SYNE1: variants seen among roughly 807,000 people sequenced by gnomAD.
SYNE1 encodes nesprin-1.
SYNE1 carries 616 observed loss-of-function variants against 1,111.0 expected under a neutral mutation model. The ratio of observed to expected loss-of-function variants is 0.55; its 90% CI spans 0.52 to 0.59. The LOEUF (loss-of-function observed/expected upper bound fraction) is 0.59, where lower values mean the gene tolerates loss of function less well. Among genes scored for constraint, SYNE1 ranks in the 20% least tolerant of loss-of-function variants. The pLI, the probability that SYNE1 is intolerant of heterozygous loss-of-function variation, is 0.00. For synonymous variants in SYNE1, 3,855 were observed against 3,825.8 expected, an observed-to-expected ratio of 1.01 and a Z score of -0.28; for missense variants, 10,006 against 10,417.0, an observed-to-expected ratio of 0.96 and a Z score of 1.72.
At chr6:152,263,339 G>C (rs2092303269) in intron 100 of SYNE1, among the ~76,000 whole-genome samples, 1 of 152,074 alleles carries the variant, frequency 6.6e-6, no homozygotes, top group Admixed American at 6.6e-5. Flanking sequence ...GCCCTGCAGT[G>C]TCATCCTTAA....
chr6:152,463,696 A>T (rs2098747480), intron 18 of SYNE1, among the ~76,000 whole-genome samples, 179 bp from the exon 19 acceptor site: 1 of 152,174 alleles, frequency 6.6e-6, no homozygotes, highest in South Asian at 2.1e-4. Flanking sequence ...TGAGCTAGAG[A>T]TACTGTCTTT....
intron 3 of SYNE1, among the ~76,000 whole-genome samples, chr6:152,604,998 AAGAAAGAAAGAGAGAGAGAG>A (rs2099608726): frequency 7.4e-5 from 2 of 26,922 alleles, no homozygotes; most frequent in African/African-American, 3.2e-4. Flanking sequence ...GAAAGAAAGA[AAGAAAGAAAGAGAGAGAGAG>A]AGAGAGAGAG....
At chr6:152,540,794 C>G (rs1267784307) in intron 3 of SYNE1, among the ~76,000 whole-genome samples, 1 of 152,222 alleles carries the variant, frequency 6.6e-6, no homozygotes, top group Non-Finnish European at 1.5e-5. Flanking sequence ...GAACTAGAGG[C>G]TCCCTTCAGG....
chr6:152,353,193 T>G (rs553658259), intron 69 of SYNE1, 70 bp downstream of exon 69: 11 of 1,561,940 alleles, frequency 7.0e-6, no homozygotes, highest in East Asian at 4.5e-5. Flanking sequence ...GTTTCCAGTA[T>G]CTATGCAGGA....
chr6:152,552,949 A>G (rs1445265416), intron 3 of SYNE1, among the ~76,000 whole-genome samples: 2 of 152,192 alleles, frequency 1.3e-5, no homozygotes, highest in African/African-American at 4.8e-5. Flanking sequence ...CTGAGTGTCA[A>G]TCCAACCTCA....
At position 152,416,609 on chromosome 6, in the gene SYNE1, T is replaced by C. The variant is rs963256304; in HGVS notation, c.5828A>G (p.Glu1943Gly). 5 of 1,614,096 alleles carry C rather than the reference T, an allele frequency of 3.1e-6. No homozygotes were observed. The highest frequency in any genetic ancestry group is 4.2e-6 in the Non-Finnish European group (5 of 1,180,010). ...CGTGGCTCTGCAGGAAGTCCTTTGC[T>C]CAGAGCTCCCGATTTTCAGATGGTA... Reference protein sequence around the residue: ...AQYHLKIGSSEQRTSCRATAD... With the variant: ...AQYHLKIGSSGQRTSCRATAD... Residue 1943 changes from glutamate (E) to glycine (G), a missense_variant, in exon 41 of 146, where the codon GAG becomes GGG. Physicochemically the swap from Glu to Gly is moderately conservative, Grantham distance 98 (BLOSUM62 -2). Coordinates refer to ENST00000367255, the MANE Select transcript of SYNE1 (RefSeq NM_182961.4).
chr6:152,429,471 C>A (rs1406116192), intron 36 of SYNE1, among the ~76,000 whole-genome samples: 1 of 152,174 alleles, frequency 6.6e-6, no homozygotes, highest in Non-Finnish European at 1.5e-5. Context: ...CTCCCTCTTC[C>A]AGATGGCCTT....
Position 152,483,089 on chromosome 6 carries a change from T to C in SYNE1, c.1346A>G (p.His449Arg), listed in dbSNP as rs1414056275. 4 of 1,614,100 alleles carry C rather than the reference T, an allele frequency of 2.5e-6. No individual in the cohort carries two copies. The highest frequency in any genetic ancestry group is 3.4e-6 in the Non-Finnish European group (4 of 1,180,028). ...ANTIQRKLEQ[H>R]KDLLQNTDAH... ...TTTTCCAACCAGAATTTTTACCTTATGTTGCTCAAGTTTCCGTTGTATCGT... is the reference window on the plus strand; with the variant it reads ...TTTTCCAACCAGAATTTTTACCTTACGTTGCTCAAGTTTCCGTTGTATCGT... The change falls in exon 14 of 146, where the codon CAT becomes CGT. Residue 449 changes from histidine (H) to arginine (R), a missense_variant. Physicochemically the swap from His to Arg is conservative, Grantham distance 29 (BLOSUM62 0). Coordinates refer to ENST00000367255, the MANE Select transcript of SYNE1 (RefSeq NM_182961.4).
intron 58 of SYNE1, among the ~76,000 whole-genome samples, chr6:152,375,890 T>C (rs1419459538): frequency 1.3e-5 from 2 of 152,236 alleles, no homozygotes; most frequent in Admixed American, 1.3e-4. Flanking sequence ...CAGAAGCAAT[T>C]GTTTTAAGTG....
At position 152,471,681 on chromosome 6, in the gene SYNE1, C is replaced by T; in HGVS notation, c.1548G>A (p.Leu516=). The T allele has an allele frequency of 6.2e-7, 1 of 1,614,018 alleles. No homozygotes were observed. Among genetic ancestry groups the T allele is most frequent in the Non-Finnish European group, 8.5e-7 (1 of 1,179,890 alleles). ...LELKYRLLSL[L]VLAESKLKSW... ...ACTTCAGCTTTGACTCTGCAAGAAC[C>T]AGCAGTGAGAGCAGACGGTACTTTA... The change falls in exon 16 of 146, where the codon CTG becomes CTA. Residue 516 remains leucine, a synonymous_variant. Coordinates refer to ENST00000367255, the MANE Select transcript of SYNE1 (RefSeq NM_182961.4).
rs139062689 is a variant in SYNE1, at chr6:152,230,553, G to C, written c.21189C>G (p.Asp7063Glu). Residue 7063 changes from aspartate to glutamate, a missense_variant, in exon 115 of 146, where the codon GAC becomes GAG. Coordinates refer to ENST00000367255, the MANE Select transcript of SYNE1 (RefSeq NM_182961.4). ...AGCCACCTGGACAAGTTACCTGACA[G>C]TCTTTCAGTGCATTTTGAACAGAAG... ...DQASVQNALK[D>E]CQDLEDLIKA... 4.6e-5 allele frequency: 75 copies of C among 1,614,052 alleles called. No individual in the cohort carries two copies. In the Middle Eastern group the frequency reaches 5.0e-4, roughly 11 times the overall value.
At chr6:152,263,171 G>T (rs2092271106) in intron 100 of SYNE1, among the ~76,000 whole-genome samples, 1 of 151,870 alleles carries the variant, frequency 6.6e-6, no homozygotes, top group African/African-American at 2.4e-5. Context: ...GGTAGTATAG[G>T]GCATGGAGGA....
At chr6:152,485,668 C>T (rs2098935230) in intron 12 of SYNE1, among the ~76,000 whole-genome samples, 1 of 151,986 alleles carries the variant, frequency 6.6e-6, no homozygotes. Flanking sequence ...ACTAAATTAA[C>T]CCATCCTAAA....
At chr6:152,151,345 G>A (rs2060387053) in intron 135 of SYNE1, among the ~76,000 whole-genome samples, 1 of 151,960 alleles carries the variant, frequency 6.6e-6, no homozygotes, top group Non-Finnish European at 1.5e-5. Context: ...TAAGATAAGA[G>A]CACTACCCAG....
intron 138 of SYNE1, among the ~76,000 whole-genome samples, chr6:152,142,112 A>G (rs371234374): frequency 6.6e-6 from 1 of 152,194 alleles, no homozygotes; most frequent in Non-Finnish European, 1.5e-5. Context: ...GTTCAAAAAC[A>G]TGCCTTTTAA....
At chr6:152,472,540 A>G in intron 14 of SYNE1, 127 bp from the exon 15 acceptor site, 2 of 876,558 alleles carry the variant, frequency 2.3e-6, no homozygotes, top group Non-Finnish European at 3.7e-6. Context: ...CCACATTCAG[A>G]GGCAGCTTGG....
At chr6:152,573,368 T>C (rs2099479331) in intron 3 of SYNE1, among the ~76,000 whole-genome samples, 1 of 126,888 alleles carries the variant, frequency 7.9e-6, no homozygotes, top group Non-Finnish European at 1.6e-5. Context: ...TGTGTTATGG[T>C]CCCCTTCCTG....
intron 4 of SYNE1, among the ~76,000 whole-genome samples, chr6:152,539,726 T>C (rs1010455612): frequency 2.0e-5 from 3 of 152,200 alleles, no homozygotes; most frequent in Non-Finnish European, 2.9e-5. Flanking sequence ...TTTCTCAAGA[T>C]TCACAGAATT....
chr6:152,604,767 C>T (rs1015079361), intron 3 of SYNE1, among the ~76,000 whole-genome samples: 29 of 150,974 alleles, frequency 1.9e-4, no homozygotes, highest in African/African-American at 6.3e-4. Context: ...TAGTGAGGCC[C>T]CCTTCCCACT....
Sources: allele counts gnomAD v4.1 joint callset (sites outside exome capture counted in the v4.1 genomes callset), GRCh38; gene constraint gnomAD v4.1.1; transcripts MANE v1.5; gene names NCBI Gene and HGNC (gene_info 2026-07-23, HGNC 2026-07-21).